Variants in PCDH11X observed in about 807,000 individuals in gnomAD.
PCDH11X encodes the protein protocadherin-11 X-linked.
A neutral mutation model predicts 53.3 loss-of-function variants in PCDH11X; 18 were observed. The ratio of observed to expected loss-of-function variants is 0.34; its 90% CI spans 0.23 to 0.50. The LOEUF (loss-of-function observed/expected upper bound fraction) is 0.50. Among genes scored for constraint, PCDH11X ranks in the 20% least tolerant of loss-of-function variants. The pLI is 0.98. For missense variants in PCDH11X, 570 were observed against 1,032.4 expected (o/e 0.55, Z 6.14); for synonymous variants, 279 against 393.3 (o/e 0.71, Z 3.44).
intron 10 of PCDH11X, among the ~76,000 whole-genome samples, chrX:92,491,086 C>CA (rs547287544): frequency 0.19 from 20,951 of 109,134 alleles, 1,848 homozygotes; most frequent in Non-Finnish European, 0.26. Flanking sequence ...GTCTAACTTT[C>CA]AAAAGGAAGA....
chrX:92,134,681 C>A (rs2148204808), intron 6 of PCDH11X, among the ~76,000 whole-genome samples: 1 of 110,811 alleles, frequency 9.0e-6, no homozygotes, highest in South Asian at 3.9e-4. Context: ...ATGGTAATTT[C>A]TTGATTATAT....
intron 5 of PCDH11X, among the ~76,000 whole-genome samples, chrX:91,873,350 A>C (rs1192360404): frequency 9.1e-6 from 1 of 109,316 alleles, no homozygotes; most frequent in East Asian, 2.9e-4. Flanking sequence ...GATGTTTTAA[A>C]TTAATCTAAT....
chrX:91,788,527 CA>C (rs1475717344), intron 1 of PCDH11X, among the ~76,000 whole-genome samples: 2 of 111,715 alleles, frequency 1.8e-5, no homozygotes, highest in Non-Finnish European at 3.8e-5. Flanking sequence ...TAGTTAAGTA[CA>C]CATTTCCTTT....
chrX:92,575,934 T>TACACAC (rs1353338801), intron 10 of PCDH11X, among the ~76,000 whole-genome samples: 66 of 23,565 alleles, frequency 2.8e-3, no homozygotes, highest in African/African-American at 7.5e-3. Flanking sequence ...TATATATATA[T>TACACAC]ATATATATAT....
intron 8 of PCDH11X, among the ~76,000 whole-genome samples, chrX:92,264,705 A>G (rs1313377814): frequency 9.0e-6 from 1 of 110,697 alleles, no homozygotes; most frequent in Non-Finnish European, 1.9e-5. Context: ...CTTAGTGAAT[A>G]TAAATAAGGA....
At chrX:92,269,694 A>C (rs1381833555) in intron 8 of PCDH11X, among the ~76,000 whole-genome samples, 1 of 109,153 alleles carries the variant, frequency 9.2e-6, no homozygotes, top group Non-Finnish European at 1.9e-5. Context: ...AATATGTAAA[A>C]GTCATTTGTC....
intron 6 of PCDH11X, among the ~76,000 whole-genome samples, chrX:92,161,578 G>A (rs2065644441): frequency 9.1e-6 from 1 of 109,349 alleles, no homozygotes; most frequent in Non-Finnish European, 1.9e-5. Flanking sequence ...CAAGGCCGGG[G>A]AAGTTTTCCT....
At chrX:92,465,142 G>T (rs1003310424) in intron 9 of PCDH11X, among the ~76,000 whole-genome samples, 1 of 110,821 alleles carries the variant, frequency 9.0e-6, no homozygotes, top group Non-Finnish European at 1.9e-5. Context: ...GTGAGAACAT[G>T]TCTCTTAAAG....
intron 7 of PCDH11X, among the ~76,000 whole-genome samples, chrX:92,245,153 G>T (rs1347213364): frequency 1.8e-5 from 2 of 112,538 alleles, no homozygotes; most frequent in African/African-American, 6.4e-5. Flanking sequence ...CTAAATACTG[G>T]GAAGACGCCT....
At chrX:92,132,687 G>A (rs867341302) in intron 6 of PCDH11X, among the ~76,000 whole-genome samples, 751 of 67,683 alleles carry the variant, frequency 0.011, 9 homozygotes, top group African/African-American at 0.047. Context: ...ATATATATAT[G>A]TATATATATA....
In PCDH11X at chrX:91,793,758, C is replaced by T. The variant is rs375993553; in HGVS notation, c.-379+14074C>T. Among the ~76,000 whole-genome samples the T allele has an allele frequency of 4.3e-3, 483 of 111,070 alleles. 1 individual carries two copies. The highest frequency in any genetic ancestry group is 6.6e-3 in the Non-Finnish European group (351 of 52,909). On this transcript the variant is annotated intron_variant, in intron 1 of 10. Coordinates refer to ENST00000682573, the MANE Select transcript of PCDH11X (RefSeq NM_032968.5). ...GCTTAGATATAGACTGTTAATAATA[C>T]ACTAAGGTGTATTACTCTGGCTAAG... is the stretch of plus-strand genomic sequence containing the variant.
At chrX:91,994,711 G>A (rs1052048492) in intron 6 of PCDH11X, among the ~76,000 whole-genome samples, 2 of 110,714 alleles carry the variant, frequency 1.8e-5, no homozygotes, top group Non-Finnish European at 3.8e-5. Flanking sequence ...AAGGTGTTGA[G>A]GAACATCCAC....
At chrX:92,239,381 A>G (rs775456673) in intron 7 of PCDH11X, among the ~76,000 whole-genome samples, 1 of 111,533 alleles carries the variant, frequency 9.0e-6, no homozygotes, top group South Asian at 3.7e-4. Context: ...AAATTTAAAA[A>G]CCATTCTGCA....
intron 6 of PCDH11X, among the ~76,000 whole-genome samples, chrX:92,043,022 C>A (rs780836549): frequency 9.2e-6 from 1 of 109,101 alleles, no homozygotes; most frequent in Non-Finnish European, 1.9e-5. Flanking sequence ...TGTGCATTTT[C>A]GATATATTAG....
chrX:92,327,610 T>C (rs2069368020), intron 8 of PCDH11X, among the ~76,000 whole-genome samples: 1 of 106,070 alleles, frequency 9.4e-6, no homozygotes, highest in Non-Finnish European at 1.9e-5. Context: ...GGAAGCTTTT[T>C]ATCCTGACTT....
At chrX:92,478,858 G>A (rs1158928591) in intron 10 of PCDH11X, among the ~76,000 whole-genome samples, 1 of 111,012 alleles carries the variant, frequency 9.0e-6, no homozygotes, top group African/African-American at 3.3e-5. Flanking sequence ...TGTGGTATTT[G>A]GGTAGAGATT....
At chrX:92,472,753 A>C (rs1457470893) in intron 10 of PCDH11X, among the ~76,000 whole-genome samples, 1 of 111,475 alleles carries the variant, frequency 9.0e-6, no homozygotes, top group East Asian at 2.8e-4. Context: ...TCTATCCATG[A>C]GCATAAAATG....
rs758723640 is a variant in PCDH11X, at chrX:92,017,463, C to T, written c.3033+138190C>T. Among the ~76,000 whole-genome samples, 9 of 106,749 alleles carry T rather than the reference C, an allele frequency of 8.4e-5. No homozygotes were observed. In the South Asian group the frequency reaches 1.3e-3, roughly 15 times the overall value. The allele number at this position is 106,749 out of a possible 115,157, so 92.7% of individuals were successfully genotyped here. A position where few individuals can be genotyped will look rare whatever the true frequency, so the allele number is the denominator to read the frequency against. On this transcript the variant is annotated intron_variant, in intron 6 of 10. Transcript: ENST00000682573. ...CCTGTAATCCCAACACTTTGGGAGG[C>T]TGAGATGGGCAGATCGCTTGAGGTC...
rs758458874 is a variant in PCDH11X at position 91,878,004 on chromosome X, A to G, written c.1764A>G (p.Thr588=). The change falls in exon 6 of 11, where the codon ACA becomes ACG. Residue 588 remains threonine, a synonymous_variant. Transcript: ENST00000682573. ...YVPENLPRHG[T]VGLITVTDPD... is the part of the protein sequence containing the mutation. ...CAGAAAACCTTCCAAGGCATGGTAC[A>G]GTAGGACTAATCACTGTAACTGATC... 2 of 1,211,080 alleles carry G rather than the reference A, an allele frequency of 1.7e-6. No homozygotes were observed. The highest frequency in any genetic ancestry group is 1.8e-5 in the South Asian group (1 of 56,895).
Sources: allele counts gnomAD v4.1 joint callset (sites outside exome capture counted in the v4.1 genomes callset), GRCh38; gene constraint gnomAD v4.1.1; transcripts MANE v1.5; gene names NCBI Gene and HGNC (gene_info 2026-07-23, HGNC 2026-07-21).